NKAIN2: variants seen among roughly 807,000 people sequenced by gnomAD.
NKAIN2 encodes sodium/potassium transporting ATPase interacting 2.
Under a neutral mutation model 32.6 loss-of-function variants are expected in NKAIN2, and 14 were observed. The ratio of observed to expected loss-of-function variants is 0.43; its 90% confidence interval spans 0.28 to 0.67. The LOEUF (loss-of-function observed/expected upper bound fraction) is 0.67, where lower values mean the gene tolerates loss of function less well. NKAIN2 is among the 30% of genes least tolerant of loss of function. The pLI is 0.17. For synonymous variants in NKAIN2, 80 were observed against 87.2 expected (o/e 0.92, Z 0.46); for missense variants, 198 against 258.3 (o/e 0.77, Z 1.60).
chr6:124,061,177 T>A (rs1340144237), intron 1 of NKAIN2, among the ~76,000 whole-genome samples: 1 of 152,130 alleles, frequency 6.6e-6, no homozygotes, highest in East Asian at 1.9e-4. Flanking sequence ...TTGGATATTG[T>A]AAAAGCAAGT....
intron 3 of NKAIN2, among the ~76,000 whole-genome samples, chr6:124,618,121 A>G (rs896284834): frequency 1.3e-5 from 2 of 152,242 alleles, no homozygotes; most frequent in African/African-American, 4.8e-5. Flanking sequence ...ATTCTATAAT[A>G]ATTTTTAGTT....
chr6:123,832,573 C>T (rs554626528), intron 1 of NKAIN2, among the ~76,000 whole-genome samples: 1 of 152,148 alleles, frequency 6.6e-6, no homozygotes, highest in South Asian at 2.1e-4. Context: ...GTGGCTGTAC[C>T]GTTTCGCATT....
chr6:124,300,307 C>T (rs1393068864), intron 2 of NKAIN2, among the ~76,000 whole-genome samples: 2 of 152,112 alleles, frequency 1.3e-5, no homozygotes, highest in Admixed American at 1.3e-4. Flanking sequence ...GTCTCTTTGC[C>T]TGCTGCCACC....
At chr6:124,739,501 A>AC (rs1735267468) in intron 4 of NKAIN2, among the ~76,000 whole-genome samples, 2 of 151,862 alleles carry the variant, frequency 1.3e-5, no homozygotes, top group Non-Finnish European at 1.5e-5. Context: ...TCTTCTAACC[A>AC]ATGACCCTTC....
At chr6:124,780,059 A>G (rs1779188550) in intron 4 of NKAIN2, among the ~76,000 whole-genome samples, 1 of 152,176 alleles carries the variant, frequency 6.6e-6, no homozygotes, top group Non-Finnish European at 1.5e-5. Context: ...AAAATATTAT[A>G]TTATGCTCAG....
At chr6:123,953,101 G>A (rs1777401931) in intron 1 of NKAIN2, among the ~76,000 whole-genome samples, 1 of 152,174 alleles carries the variant, frequency 6.6e-6, no homozygotes, top group South Asian at 2.1e-4. Context: ...GATTCTGGGT[G>A]CATGCAGTAG....
intron 1 of NKAIN2, among the ~76,000 whole-genome samples, chr6:124,154,280 G>A (rs2114410330): frequency 6.6e-6 from 1 of 151,882 alleles, no homozygotes; most frequent in South Asian, 2.1e-4. Context: ...CACTGGATAT[G>A]TATCAAAGAA....
rs1162529828 is a variant in NKAIN2, at chr6:124,331,345, C to CAAAAAAAAAAAAAAAAAA, written c.193-23905_193-23888dup. Among the ~76,000 whole-genome samples, 19 of 20,816 alleles carry CAAAAAAAAAAAAAAAAAA rather than the reference C, an allele frequency of 9.1e-4. 2 individuals are homozygous for CAAAAAAAAAAAAAAAAAA. The highest frequency in any genetic ancestry group is 1.8e-3 in the East Asian group (1 of 560). The allele number at this position is 20,816 out of a possible 152,430, so 13.7% of individuals were successfully genotyped here. On this transcript the variant is annotated intron_variant, in intron 2 of 6. Transcript: ENST00000368417. ...TGAAACCCTGTCTCTACTAAATATA[C>CAAAAAAAAAAAAAAAAAA]AAAAAAAAAAAAAAAAAAAAAAAAA...
intron 1 of NKAIN2, among the ~76,000 whole-genome samples, chr6:124,107,226 G>A (rs991306694): frequency 2.0e-5 from 3 of 152,178 alleles, no homozygotes; most frequent in South Asian, 2.1e-4. Flanking sequence ...GGCCGTACCC[G>A]CAGAGCTTTG....
chr6:124,403,635 C>T (rs1438712793), intron 3 of NKAIN2, among the ~76,000 whole-genome samples: 2 of 152,132 alleles, frequency 1.3e-5, no homozygotes, highest in African/African-American at 4.8e-5. Context: ...TTTTGCTAGA[C>T]ACTAGTAAAA....
intron 1 of NKAIN2, among the ~76,000 whole-genome samples, chr6:124,218,742 A>G (rs553912237): frequency 2.0e-5 from 3 of 152,204 alleles, no homozygotes; most frequent in Admixed American, 2.0e-4. Flanking sequence ...TCTGTAAAAA[A>G]ATCATCTAAT....
intron 1 of NKAIN2, among the ~76,000 whole-genome samples, chr6:124,234,693 T>C (rs1792649517): frequency 6.6e-6 from 1 of 152,154 alleles, no homozygotes; most frequent in South Asian, 2.1e-4. Flanking sequence ...ATCGGTGTTG[T>C]CTACTTGGGA....
intron 3 of NKAIN2, among the ~76,000 whole-genome samples, chr6:124,495,890 A>T (rs1395003646): frequency 6.6e-6 from 1 of 152,026 alleles, no homozygotes; most frequent in South Asian, 2.1e-4. Context: ...GCCTTTTGAG[A>T]TGTTGGTGAA....
intron 1 of NKAIN2, among the ~76,000 whole-genome samples, chr6:124,219,341 G>A (rs192961223): frequency 2.3e-3 from 337 of 149,364 alleles, no homozygotes; most frequent in Middle Eastern, 3.5e-3. Flanking sequence ...GCAGTGGTGC[G>A]ATCTCGGCTC....
intron 3 of NKAIN2, among the ~76,000 whole-genome samples, chr6:124,411,799 T>C (rs1389607661): frequency 2.0e-5 from 3 of 152,198 alleles, no homozygotes; most frequent in Non-Finnish European, 2.9e-5. Context: ...TTCCATTCTC[T>C]CCGTCACTTT....
chr6:124,618,412 A>C (rs977070858), intron 3 of NKAIN2, among the ~76,000 whole-genome samples: 15 of 152,334 alleles, frequency 9.8e-5, no homozygotes, highest in African/African-American at 3.4e-4. Context: ...AGGGAGGCGG[A>C]GGTTGCAGTG....
At chr6:124,411,607 C>G (rs1340842064) in intron 3 of NKAIN2, among the ~76,000 whole-genome samples, 1 of 152,186 alleles carries the variant, frequency 6.6e-6, no homozygotes, top group Non-Finnish European at 1.5e-5. Flanking sequence ...CTCTGGCTGC[C>G]CTTAACATTT....
intron 1 of NKAIN2, among the ~76,000 whole-genome samples, chr6:124,086,382 A>T (rs533215333): frequency 7.9e-4 from 120 of 152,124 alleles, no homozygotes; most frequent in African/African-American, 2.7e-3. Flanking sequence ...GAAACCAGTA[A>T]TATCAGGTAT....
chr6:124,041,268 C>T (rs953943347), intron 1 of NKAIN2, among the ~76,000 whole-genome samples: 16 of 151,902 alleles, frequency 1.1e-4, no homozygotes, highest in Admixed American at 2.6e-4. Context: ...GATCATTATC[C>T]GCACATCATC....
Sources: gnomAD v4.1 joint callset for allele counts (sites outside exome capture counted in the v4.1 genomes callset) on GRCh38, gnomAD v4.1.1 for gene constraint, MANE v1.5 for transcripts, NCBI Gene and HGNC (gene_info 2026-07-23, HGNC 2026-07-21) for gene names.